The following MAB21L4 variants were observed in gnomAD, a reference collection of about 807,000 sequenced individuals.
MAB21L4 encodes the protein protein mab-21-like 4.
Under a neutral mutation model 32.4 loss-of-function variants are expected in MAB21L4, and 25 were observed. The ratio of observed to expected loss-of-function variants is 0.77; its 90% CI spans 0.56 to 1.08. The LOEUF (loss-of-function observed/expected upper bound fraction) is 1.08, where lower values mean the gene tolerates loss of function less well. Among genes scored for constraint, MAB21L4 ranks in the 50% least tolerant of loss-of-function variants. The pLI, the probability that MAB21L4 is intolerant of heterozygous loss-of-function variation, is 0.00. For synonymous variants in MAB21L4, 280 were observed against 276.8 expected, an observed-to-expected ratio of 1.01 and a Z score of -0.11; for missense variants, 638 against 611.0, an observed-to-expected ratio of 1.04 and a Z score of -0.47.
At position 240,895,590 on chromosome 2, in the gene MAB21L4, G is replaced by A. The variant is rs746191324; in HGVS notation, c.408C>T (p.Asp136=). 1.4e-5 allele frequency: 23 copies of A among 1,612,598 alleles called. No individual in the cohort carries two copies. Among genetic ancestry groups the A allele is most frequent in the Admixed American group, 5.0e-5 (3 of 59,974 alleles). Residue 136 remains aspartate, a synonymous_variant, in exon 1 of 5, where the codon GAC becomes GAT. Coordinates refer to ENST00000388934, the MANE Select transcript of MAB21L4 (RefSeq NM_001085437.3). The stretch of plus-strand genomic sequence containing the variant: ...GCACAATGTGTCCACGGCACTTGGC[G>A]TCACCCTCCGAGGAGGCAGTGAAGG... ...EDTFTASSEG[D]AKCRGHIVPS... is the part of the protein sequence containing the mutation.
intron 1 of MAB21L4, among the ~76,000 whole-genome samples, chr2:240,894,720 G>A (rs1392729879): frequency 2.6e-5 from 4 of 152,286 alleles, no homozygotes; most frequent in Middle Eastern, 3.4e-3. Context: ...CAGGAGAATC[G>A]CTTGAACCCA....
chr2:240,896,240 C>T (rs1168460537), upstream of MAB21L4: 4 of 1,112,786 alleles, frequency 3.6e-6, no homozygotes, highest in Non-Finnish European at 4.6e-6. Context: ...TCACAGGGGC[C>T]ATGCAGGGCA....
intron 3 of MAB21L4, among the ~76,000 whole-genome samples, chr2:240,889,302 C>T (rs2059124540): frequency 6.6e-6 from 1 of 152,198 alleles, no homozygotes; most frequent in African/African-American, 2.4e-5. Flanking sequence ...GAGGGCATGG[C>T]CAGAGGTCAC....
At chr2:240,895,270 G>A (rs139138716) in intron 1 of MAB21L4, among the ~76,000 whole-genome samples, 127 of 152,342 alleles carry the variant, frequency 8.3e-4, no homozygotes, top group Non-Finnish European at 1.0e-3. Flanking sequence ...GAGGTCTCCC[G>A]ACTTCTGTGC....
chr2:240,888,143 C>T lies in MAB21L4; in HGVS notation c.1251+149G>A, dbSNP rs554140476. 274 of 657,402 alleles carry T rather than the reference C, an allele frequency of 4.2e-4. 2 individuals are homozygous for T. The East Asian group carries it at 8.0e-3, about 19-fold the overall frequency. The allele number at this position is 657,402 out of a possible 1,614,324, so 40.7% of individuals were successfully genotyped here. On this transcript the variant is annotated intron_variant, in intron 4 of 4. Coordinates refer to ENST00000388934, the MANE Select transcript of MAB21L4 (RefSeq NM_001085437.3). ...GTGACCCCCAGACATCACATGTCCC[C>T]GCAGACGCTCTCCATCCGAGCCCTG...
chr2:240,887,258 T>A lies in MAB21L4; in HGVS notation c.1252-96A>T. 2.9e-6 allele frequency: 3 copies of A among 1,022,214 alleles called. No individual in the cohort carries two copies. The Admixed American group carries it at 5.6e-5, about 19-fold the overall frequency. The allele number at this position is 1,022,214 out of a possible 1,614,324, so 63.3% of individuals were successfully genotyped here. On this transcript the variant is annotated intron_variant, in intron 4 of 4. Coordinates refer to ENST00000388934, the MANE Select transcript of MAB21L4 (RefSeq NM_001085437.3). ...GAGCACAGCGTGGAACAACTGGCCCTCCCTGGGCCATGCCGGGCCTTCCTG... is the reference window on the plus strand; with the variant it reads ...GAGCACAGCGTGGAACAACTGGCCCACCCTGGGCCATGCCGGGCCTTCCTG...
At chr2:240,890,338 C>T (rs552224334) in intron 2 of MAB21L4, among the ~76,000 whole-genome samples, 180 bp from the exon 3 acceptor site, 6 of 152,350 alleles carry the variant, frequency 3.9e-5, no homozygotes, top group South Asian at 2.1e-4. Flanking sequence ...GCAGTGTGCA[C>T]GCCTGCTTTT....
chr2:240,894,846 T>A (rs184613897), intron 1 of MAB21L4, among the ~76,000 whole-genome samples: 5 of 152,118 alleles, frequency 3.3e-5, no homozygotes, highest in Non-Finnish European at 5.9e-5. Context: ...GGCCAGCCCC[T>A]GGTCCACGCA....
intron 4 of MAB21L4, among the ~76,000 whole-genome samples, 158 bp from the exon 5 acceptor site, chr2:240,887,320 G>C (rs1392045427): frequency 6.6e-6 from 1 of 152,230 alleles, no homozygotes; most frequent in African/African-American, 2.4e-5. Context: ...CCTAGAGGCG[G>C]AGCGGCCCCA....
intron 2 of MAB21L4, among the ~76,000 whole-genome samples, chr2:240,890,994 A>G (rs2059142284): frequency 2.0e-5 from 3 of 152,304 alleles, no homozygotes; most frequent in South Asian, 2.1e-4. Flanking sequence ...GGATTCAACC[A>G]TCCTTCCAGC....
rs893649792 is a variant in MAB21L4, at chr2:240,895,947, C to T, written c.51G>A (p.Leu17=). ...GGATGGCCTGCAGGTAGTGGTGCCACAGGGGCACCTGCACGGCCATGGCTG... is the reference window on the plus strand; with the variant it reads ...GGATGGCCTGCAGGTAGTGGTGCCATAGGGGCACCTGCACGGCCATGGCTG... The part of the protein sequence containing the change: ...PTSAMAVQVP[L]WHHYLQAIRS... The change falls in exon 1 of 5, where the codon CTG becomes CTA. Residue 17 remains leucine (L), a synonymous_variant. Transcript: ENST00000388934. The T allele has an allele frequency of 1.3e-6, 2 of 1,490,512 alleles. No homozygotes were observed. Among genetic ancestry groups the T allele is most frequent in the Non-Finnish European group, 8.9e-7 (1 of 1,123,900 alleles). The allele number at this position is 1,490,512 out of a possible 1,614,324, so 92.3% of individuals were successfully genotyped here.
intron 1 of MAB21L4, among the ~76,000 whole-genome samples, chr2:240,893,644 G>T (rs895590486): frequency 6.6e-6 from 1 of 152,138 alleles, no homozygotes; most frequent in Admixed American, 6.5e-5. Flanking sequence ...TGAGTGTCAG[G>T]AAACGATGCC....
chr2:240,888,191 G>A, intron 4 of MAB21L4, 101 bp downstream of exon 4: 1 of 962,612 alleles, frequency 1.0e-6, no homozygotes, highest in Non-Finnish European at 1.5e-6. Context: ...CATTCCTGGG[G>A]CTGCTGACCT....
upstream of MAB21L4, chr2:240,896,258 G>A (rs1265452383): frequency 1.0e-6 from 1 of 964,854 alleles, no homozygotes; most frequent in Non-Finnish European, 1.3e-6. Flanking sequence ...GCAGGCGGGG[G>A]CTGGGTTTGG....
chr2:240,895,552 A>T lies in MAB21L4; in HGVS notation c.446T>A (p.Leu149Gln), dbSNP rs1294894376. Reference sequence around the variant, plus strand: ...TACCAGCAGGTCCTTGAGGACACACAGGACCTTGCTGGGCACAATGTGTCC... The same window carrying T: ...TACCAGCAGGTCCTTGAGGACACACTGGACCTTGCTGGGCACAATGTGTCC... ...CRGHIVPSKV[L>Q]CVLKDLLVAA... The change falls in exon 1 of 5, where the codon CTG becomes CAG. Residue 149 changes from leucine to glutamine, a missense_variant. By Grantham distance (113) the Leu-to-Gln change is moderately radical. Coordinates refer to ENST00000388934, the MANE Select transcript of MAB21L4 (RefSeq NM_001085437.3). 6.2e-7 allele frequency: 1 copy of T among 1,609,846 alleles called. No individual in the cohort carries two copies. Among genetic ancestry groups the T allele is most frequent in the Admixed American group, 1.7e-5 (1 of 59,686 alleles).
intron 1 of MAB21L4, among the ~76,000 whole-genome samples, chr2:240,895,084 G>C (rs6749674): frequency 0.73 from 110,731 of 152,170 alleles, 40,993 homozygotes; most frequent in African/African-American, 0.85. Flanking sequence ...TGACTGGCAA[G>C]AGAGCCGCCT....
chr2:240,887,182 G>C lies in MAB21L4; in HGVS notation c.1252-20C>G. 7 of 1,604,440 alleles carry C rather than the reference G, an allele frequency of 4.4e-6. No homozygotes were observed. Among genetic ancestry groups the C allele is most frequent in the Non-Finnish European group, 6.0e-6 (7 of 1,171,282 alleles). On this transcript the variant is annotated intron_variant, in intron 4 of 4. Transcript: ENST00000388934. Reference sequence around the variant, plus strand: ...CTGGAACTACAGGCAGGGTTGCAGGGGAGAAGGGTTACAGGGACCCCTGGA... The same window carrying C: ...CTGGAACTACAGGCAGGGTTGCAGGCGAGAAGGGTTACAGGGACCCCTGGA...
rs532509457 is a variant in MAB21L4 at position 240,895,799 on chromosome 2, C to T, written c.199G>A (p.Ala67Thr). The stretch of plus-strand genomic sequence containing the variant: ...GAGGAGCGCAGGGCGAACTGGAAGG[C>T]CTCCAGGCCACGGGAGTAGTCCACG... The part of the protein sequence containing the change: ...FIVDYSRGLE[A>T]FQFALRSSED... Residue 67 changes from alanine to threonine, a missense_variant, in exon 1 of 5, where the codon GCC becomes ACC. Physicochemically the swap from Ala to Thr is moderately conservative, Grantham distance 58. Coordinates refer to ENST00000388934, the MANE Select transcript of MAB21L4 (RefSeq NM_001085437.3). 3.1e-5 allele frequency: 50 copies of T among 1,604,126 alleles called. No individual in the cohort carries two copies. In the Middle Eastern group the frequency reaches 5.0e-4, roughly 16 times the overall value.
chr2:240,896,453 CG>C (rs1157235111), upstream of MAB21L4, among the ~76,000 whole-genome samples: 1 of 152,140 alleles, frequency 6.6e-6, no homozygotes, highest in African/African-American at 2.4e-5. Context: ...GCCCAGGGGC[CG>C]GGTATCTGGA....
Sources: allele counts gnomAD v4.1 joint callset (sites outside exome capture counted in the v4.1 genomes callset), GRCh38; gene constraint gnomAD v4.1.1; transcripts MANE v1.5; gene names NCBI Gene and HGNC (gene_info 2026-07-23, HGNC 2026-07-21).